Variants in SPATA31C2 observed in about 807,000 individuals in gnomAD.
SPATA31C2 encodes the protein spermatogenesis-associated protein 31C2.
Under a neutral mutation model 11.4 loss-of-function variants are expected in SPATA31C2, and 5 were observed. The ratio of observed to expected loss-of-function variants is 0.44; its 90% CI spans 0.23 to 0.92. SPATA31C2 has a LOEUF of 0.92. Ranked by LOEUF, SPATA31C2 falls within the 40% of genes least tolerant of loss-of-function variation. The pLI, the probability that SPATA31C2 is intolerant of heterozygous loss-of-function variation, is 0.24. For missense variants in SPATA31C2, 1,353 were observed against 1,368.6 expected (o/e 0.99, Z 0.18); for synonymous variants, 515 against 538.7 (o/e 0.96, Z 0.61).
rs1440863153 is a variant in SPATA31C2 at position 88,130,394 on chromosome 9, T to G, written c.2643A>C (p.Pro881=). 2 of 1,611,536 alleles carry G rather than the reference T, an allele frequency of 1.2e-6. No individual in the cohort carries two copies. Among genetic ancestry groups the G allele is most frequent in the African/African-American group, 1.3e-5 (1 of 74,850 alleles). Residue 881 remains proline, a synonymous_variant, in exon 4 of 4, where the codon CCA becomes CCC. Transcript: ENST00000324915. The stretch of plus-strand genomic sequence containing the variant: ...GGGGCACAACAGATGCTTGCCCATC[T>G]GGAAGGAGCACAACAGTGGCAGAAA... The part of the protein sequence containing the change: ...PQVSATVVLL[P]DGQASVVPHA...
Position 88,133,310 on chromosome 9 carries a change from G to C in SPATA31C2, c.265+284C>G, listed in dbSNP as rs567702401. Among the ~76,000 whole-genome samples, 377 of 45,486 alleles carry C rather than the reference G, an allele frequency of 8.3e-3. 4 individuals carry two copies. Among genetic ancestry groups the C allele is most frequent in the Admixed American group, 0.046 (179 of 3,884 alleles). 29.8% of individuals were successfully genotyped at this position (45,486 alleles called of 152,430 possible). On this transcript the variant is annotated intron_variant, in intron 2 of 3. Transcript: ENST00000324915. ...TCAGAGAGGAATCAGCCTTAGCAGA[G>C]TTGAACAGCTGTTCCCAGGGAGCGG...
In SPATA31C2 at chr9:88,130,774, C is replaced by G; in HGVS notation, c.2263G>C (p.Gly755Arg). ...PRGIPSSNDHGSLKAPTAGQE... is the reference protein window; with the variant it reads ...PRGIPSSNDHRSLKAPTAGQE... ...CCAGCTGTAGGAGCCTTCAAGGACC[C>G]ATGATCATTCGAAGATGGGATCCCT... Residue 755 changes from glycine (G) to arginine (R), a missense_variant, in exon 4 of 4, where the codon GGG (glycine) becomes CGG (arginine). By Grantham distance (125) the Gly-to-Arg change is moderately radical. Coordinates refer to ENST00000324915, the MANE Select transcript of SPATA31C2 (RefSeq NM_001350978.3). 6.2e-7 allele frequency: 1 copy of G among 1,613,136 alleles called. No homozygotes were observed. The highest frequency in any genetic ancestry group is 8.5e-7 in the Non-Finnish European group (1 of 1,179,866).
At position 88,130,479 on chromosome 9, in the gene SPATA31C2, T is replaced by G; in HGVS notation, c.2558A>C (p.Glu853Ala). The change falls in exon 4 of 4, where the codon GAG (glutamate) becomes GCG (alanine). Residue 853 changes from glutamate (E) to alanine (A), a missense_variant. Physicochemically the swap from Glu to Ala is moderately radical, Grantham distance 107 (BLOSUM62 -1). Around this residue, in one of 6 missense-constraint regions of SPATA31C2, gnomAD observed 1,075 missense variants for 992.8 expected, o/e 1.08. Transcript: ENST00000324915. The part of the protein sequence containing the change: ...SQDPRKLCLM[E>A]EAVSEFEPGK... ...AGGCTCAAATTCACTAACAGCCTCC[T>G]CCATGAGACACAGCTTTCTTGGGTC... 10 of 1,613,432 alleles carry G rather than the reference T, an allele frequency of 6.2e-6. No individual in the cohort carries two copies. Among genetic ancestry groups the G allele is most frequent in the Non-Finnish European group, 7.6e-6 (9 of 1,179,560 alleles).
At position 88,131,353 on chromosome 9, in the gene SPATA31C2, C is replaced by T. The variant is rs1284058593; in HGVS notation, c.1684G>A (p.Asp562Asn). 2.5e-6 allele frequency: 4 copies of T among 1,611,856 alleles called. No homozygotes were observed. The Admixed American group carries it at 6.7e-5, about 27-fold the overall frequency. ...RKPLRSDSGS[D>N]LLRRTERNHI... ...TTCCTCTCTGTGCGTCTTAATAAAT[C>T]ACTTCCTGAGTCACTCCTCAAGGGC... The change falls in exon 4 of 4, where the codon GAT becomes AAT. Residue 562 changes from aspartate to asparagine, a missense_variant. Around this residue, in one of 6 missense-constraint regions of SPATA31C2, gnomAD observed 1,075 missense variants for 992.8 expected, o/e 1.08. Transcript: ENST00000324915.
chr9:88,133,930 G>C (rs1469659865), intron 1 of SPATA31C2, among the ~76,000 whole-genome samples: 1 of 152,170 alleles, frequency 6.6e-6, no homozygotes, highest in Non-Finnish European at 1.5e-5. Context: ...GCTGAGGCAG[G>C]TGGATCACCT....
Position 88,133,774 on chromosome 9 carries a change from G to C in SPATA31C2, c.190-105C>G, listed in dbSNP as rs560490796. On this transcript the variant is annotated intron_variant, in intron 1 of 3. Transcript: ENST00000324915. Reference sequence around the variant, plus strand: ...TGAACCGCATGGCTCTGTCTGTCTTGCTCAGGGAGCTCTGTGTGCTTCCTC... The same window carrying C: ...TGAACCGCATGGCTCTGTCTGTCTTCCTCAGGGAGCTCTGTGTGCTTCCTC... 2.7e-5 allele frequency: 37 copies of C among 1,377,346 alleles called. No homozygotes were observed. The East Asian group carries it at 7.8e-4, about 29-fold the overall frequency. The allele number at this position is 1,377,346 out of a possible 1,614,324, so 85.3% of individuals were successfully genotyped here.
At position 88,130,954 on chromosome 9, in the gene SPATA31C2, A is replaced by T. The variant is rs1448956426; in HGVS notation, c.2083T>A (p.Ser695Thr). Residue 695 changes from serine to threonine, a missense_variant, in exon 4 of 4, where the codon TCT becomes ACT. Around this residue, in one of 6 missense-constraint regions of SPATA31C2, gnomAD observed 1,075 missense variants for 992.8 expected, o/e 1.08. Coordinates refer to ENST00000324915, the MANE Select transcript of SPATA31C2 (RefSeq NM_001350978.3). ...LAGPSSDTCESGAGSKVEVAT... is the reference protein window; with the variant it reads ...LAGPSSDTCETGAGSKVEVAT... Reference sequence around the variant, plus strand: ...ACCTCAACTTTTGAGCCAGCCCCAGATTCGCAGGTGTCTGAGGAGGGACCA... The same window carrying T: ...ACCTCAACTTTTGAGCCAGCCCCAGTTTCGCAGGTGTCTGAGGAGGGACCA... The T allele has an allele frequency of 1.2e-6, 2 of 1,613,236 alleles. No individual in the cohort carries two copies. Among genetic ancestry groups the T allele is most frequent in the Non-Finnish European group, 1.7e-6 (2 of 1,179,874 alleles).
rs760548802 is a variant in SPATA31C2 at position 88,130,890 on chromosome 9, C to T, written c.2147G>A (p.Arg716Lys). Residue 716 changes from arginine to lysine, a missense_variant, in exon 4 of 4, where the codon AGA (arginine) becomes AAA (lysine). Transcript: ENST00000324915. ...FLGEPPMASL[R>K]KQVLTKPSVH... ...AGATGGTTTGGTCAGCACCTGCTTTCTCAGACTTGCCATTGGTGGCTCTCC... is the reference window on the plus strand; with the variant it reads ...AGATGGTTTGGTCAGCACCTGCTTTTTCAGACTTGCCATTGGTGGCTCTCC... The T allele has an allele frequency of 1.9e-6, 3 of 1,613,810 alleles. No individual in the cohort carries two copies. Among genetic ancestry groups the T allele is most frequent in the South Asian group, 2.2e-5 (2 of 91,068 alleles).
At position 88,132,593 on chromosome 9, in the gene SPATA31C2, C is replaced by T. The variant is rs116797903; in HGVS notation, c.444G>A (p.Thr148=). ...GGGAGACAATGGGAGCAGCGTCTTC[C>T]GTAGGCTCATGAGAGGACCGGGAGG... The part of the protein sequence containing the change: ...DGASRSSHEP[T]EDAAPIVSPL... Residue 148 remains threonine, a synonymous_variant, in exon 4 of 4, where the codon ACG becomes ACA. Transcript: ENST00000324915. 2.9e-3 allele frequency: 4,686 copies of T among 1,610,018 alleles called. 84 individuals are homozygous for T. In the African/African-American group the frequency reaches 0.046, roughly 16 times the overall value.
In SPATA31C2 at chr9:88,129,629, G is replaced by A; in HGVS notation, c.*3C>T. 6.2e-7 allele frequency: 1 copy of A among 1,602,868 alleles called. No homozygotes were observed. Among genetic ancestry groups the A allele is most frequent in the South Asian group, 1.1e-5 (1 of 90,932 alleles). On this transcript the variant is annotated 3_prime_UTR_variant, in exon 4 of 4. Coordinates refer to ENST00000324915, the MANE Select transcript of SPATA31C2 (RefSeq NM_001350978.3). The stretch of plus-strand genomic sequence containing the variant: ...CATTGTTGCACCGGACACTTTTCAA[G>A]GGCTACTGATCTCTGATTTGTCTGT...
rs763458485 is a variant in SPATA31C2 at position 88,133,642 on chromosome 9, C to T, written c.217G>A (p.Gly73Arg). Residue 73 changes from glycine (G) to arginine (R), a missense_variant, in exon 2 of 4, where the codon GGG (glycine) becomes AGG (arginine). Transcript: ENST00000324915. The part of the protein sequence containing the change: ...KRHLVSQRPA[G>R]RRGRPRGRMK... ...CTGCCTCTGGGCCTCCCCCTCCGCC[C>T]TGCTGGACGCTGGGAGACAAGATGA... The T allele has an allele frequency of 4.4e-6, 7 of 1,604,798 alleles. No homozygotes were observed. The highest frequency in any genetic ancestry group is 4.5e-5 in the East Asian group (2 of 44,540).
In SPATA31C2 at chr9:88,129,752, G is replaced by A; in HGVS notation, c.3285C>T (p.Asn1095=). ...GTTCTGAGTAGAACGGGTGTCTGTG[G>A]TTGCAGGGAAACCCACAGACTGGGG... ...FQAPVCGFPC[N]HRHPFYSEHS... The change falls in exon 4 of 4, where the codon AAC becomes AAT. Residue 1095 remains asparagine, a synonymous_variant. Transcript: ENST00000324915. 2 of 1,603,944 alleles carry A rather than the reference G, an allele frequency of 1.2e-6. No individual in the cohort carries two copies. The highest frequency in any genetic ancestry group is 2.2e-5 in the South Asian group (2 of 90,948).
Position 88,131,697 on chromosome 9 carries a change from G to A in SPATA31C2, c.1340C>T (p.Pro447Leu), listed in dbSNP as rs777936625. 6.2e-6 allele frequency: 10 copies of A among 1,611,940 alleles called. No homozygotes were observed. The South Asian group carries it at 1.1e-4, about 18-fold the overall frequency. Residue 447 changes from proline to leucine, a missense_variant, in exon 4 of 4, where the codon CCT (proline) becomes CTT (leucine). Physicochemically the swap from Pro to Leu is moderately conservative, Grantham distance 98. Coordinates refer to ENST00000324915, the MANE Select transcript of SPATA31C2 (RefSeq NM_001350978.3). ...TTGCTCCAGTTGTCTCCAGAGTTCAGGACTGACTGGAAAGTTCTCAGGCAG... is the reference window on the plus strand; with the variant it reads ...TTGCTCCAGTTGTCTCCAGAGTTCAAGACTGACTGGAAAGTTCTCAGGCAG... The part of the protein sequence containing the change: ...SILPENFPVS[P>L]ELWRQLEQHM...
rs1285791870 is a variant in SPATA31C2 at position 88,130,117 on chromosome 9, A to G, written c.2920T>C (p.Leu974=). The change falls in exon 4 of 4, where the codon TTG becomes CTG. Residue 974 remains leucine, a synonymous_variant. Transcript: ENST00000324915. The part of the protein sequence containing the change: ...LEKHEEMFQG[L]RTPQLTPGRK... ...CCTGGGGTAAGTTGAGGAGTCCTCA[A>G]TCCTTGAAACATTTCTTCATGTTTT... The G allele has an allele frequency of 4.4e-6, 7 of 1,607,960 alleles. No individual in the cohort carries two copies. The East Asian group carries it at 9.0e-5, about 21-fold the overall frequency.
chr9:88,136,565 A>G (rs946898117), intron 1 of SPATA31C2, among the ~76,000 whole-genome samples: 1 of 147,118 alleles, frequency 6.8e-6, no homozygotes, highest in African/African-American at 2.5e-5. Context: ...CCAATTAATA[A>G]ATTCTTAGAA....
At position 88,130,372 on chromosome 9, in the gene SPATA31C2, G is replaced by A. The variant is rs1174152241; in HGVS notation, c.2665C>T (p.Pro889Ser). 6.2e-7 allele frequency: 1 copy of A among 1,610,876 alleles called. No homozygotes were observed. Among genetic ancestry groups the A allele is most frequent in the Admixed American group, 1.7e-5 (1 of 59,578 alleles). ...LLPDGQASVV[P>S]HASENLASQV... ...GAAGCCAAATTCTCTGAAGCATGGGGCACAACAGATGCTTGCCCATCTGGA... is the reference window on the plus strand; with the variant it reads ...GAAGCCAAATTCTCTGAAGCATGGGACACAACAGATGCTTGCCCATCTGGA... Residue 889 changes from proline (P) to serine (S), a missense_variant, in exon 4 of 4, where the codon CCC (proline) becomes TCC (serine). Around this residue, in one of 6 missense-constraint regions of SPATA31C2, gnomAD observed 1,075 missense variants for 992.8 expected, o/e 1.08. Coordinates refer to ENST00000324915, the MANE Select transcript of SPATA31C2 (RefSeq NM_001350978.3).
rs1173471072 is a variant in SPATA31C2, at chr9:88,131,182, G to C, written c.1855C>G (p.Leu619Val). 1.9e-6 allele frequency: 3 copies of C among 1,611,780 alleles called. No individual in the cohort carries two copies. Among genetic ancestry groups the C allele is most frequent in the Non-Finnish European group, 1.7e-6 (2 of 1,179,868 alleles). The change falls in exon 4 of 4, where the codon CTA (leucine) becomes GTA (valine). Residue 619 changes from leucine to valine, a missense_variant. Physicochemically the swap from Leu to Val is conservative, Grantham distance 32. Around this residue, in one of 6 missense-constraint regions of SPATA31C2, gnomAD observed 1,075 missense variants for 992.8 expected, o/e 1.08. Transcript: ENST00000324915. Reference protein sequence around the residue: ...VSNTHVKTSNLAAPKSRKACV... With the variant: ...VSNTHVKTSNVAAPKSRKACV... Reference sequence around the variant, plus strand: ...GCTTTCCTGCTTTTCGGGGCTGCTAGATTGCTGGTTTTCACGTGGGTGTTG... The same window carrying C: ...GCTTTCCTGCTTTTCGGGGCTGCTACATTGCTGGTTTTCACGTGGGTGTTG...
intron 1 of SPATA31C2, among the ~76,000 whole-genome samples, chr9:88,137,624 AACAC>A (rs1239367408): frequency 8.1e-6 from 1 of 123,788 alleles, no homozygotes; most frequent in Non-Finnish European, 1.7e-5. Context: ...AAATAAAAAT[AACAC>A]ACAAACACAC....
rs1825590781 is a variant in SPATA31C2 at position 88,131,361 on chromosome 9, G to A, written c.1676C>T (p.Ser559Leu). 2 of 1,611,928 alleles carry A rather than the reference G, an allele frequency of 1.2e-6. No individual in the cohort carries two copies. Among genetic ancestry groups the A allele is most frequent in the East Asian group, 2.2e-5 (1 of 44,844 alleles). The change falls in exon 4 of 4, where the codon TCA becomes TTA. Residue 559 changes from serine (S) to leucine (L), a missense_variant. Physicochemically the swap from Ser to Leu is moderately radical, Grantham distance 145 (BLOSUM62 -2). Transcript: ENST00000324915. ...TGTGCGTCTTAATAAATCACTTCCT[G>A]AGTCACTCCTCAAGGGCTTCCTCAG... ...RNLRKPLRSDSGSDLLRRTER... is the reference protein window; with the variant it reads ...RNLRKPLRSDLGSDLLRRTER...
Sources: allele counts gnomAD v4.1 joint callset (sites outside exome capture counted in the v4.1 genomes callset), GRCh38; gene constraint gnomAD v4.1.1; regional missense constraint gnomAD v4.1.1; transcripts MANE v1.5; gene names NCBI Gene and HGNC (gene_info 2026-07-23, HGNC 2026-07-21).